The following TENM1 variants were observed in gnomAD, a reference collection of about 807,000 sequenced individuals.
TENM1 encodes the protein teneurin transmembrane protein 1, also known as teneurin-1.
Under a neutral mutation model 174.8 loss-of-function variants are expected in TENM1, and 35 were observed. That is an observed-to-expected ratio of 0.20 (90% CI 0.15 to 0.27). The LOEUF is 0.27. Ranked by LOEUF, TENM1 falls within the 10% of genes least tolerant of loss-of-function variation. The probability of loss-of-function intolerance (pLI) is 1.00; values close to 1 mark genes in which losing one functional copy is unlikely to be tolerated. For synonymous variants in TENM1, 781 were observed against 798.7 expected, an observed-to-expected ratio of 0.98 and a Z score of 0.37; for missense variants, 1,633 against 2,130.1, an observed-to-expected ratio of 0.77 and a Z score of 4.59.
intron 22 of TENM1, among the ~76,000 whole-genome samples, chrX:124,474,705 C>T (rs2147917821): frequency 8.9e-6 from 1 of 111,864 alleles, no homozygotes; most frequent in African/African-American, 3.2e-5. Context: ...CCGGAAGGTC[C>T]TCAAGTTCCA....
At chrX:124,609,366 T>C (rs776966657) in intron 11 of TENM1, among the ~76,000 whole-genome samples, 1 of 111,867 alleles carries the variant, frequency 8.9e-6, no homozygotes, top group South Asian at 3.7e-4. Context: ...AGGAGATGGA[T>C]TTGTAGATCC....
intron 5 of TENM1, among the ~76,000 whole-genome samples, chrX:124,696,974 T>A: frequency 9.0e-6 from 1 of 111,265 alleles, no homozygotes; most frequent in Non-Finnish European, 1.9e-5. Flanking sequence ...AACCACCTCC[T>A]CTGGTATTCT....
chrX:124,659,689 G>C (rs2148410532), intron 6 of TENM1, among the ~76,000 whole-genome samples: 1 of 110,521 alleles, frequency 9.0e-6, no homozygotes, highest in African/African-American at 3.3e-5. Flanking sequence ...TCTTTAAAAA[G>C]AACAAAATTG....
At chrX:124,946,227 G>C (rs942363383) in intron 1 of TENM1, among the ~76,000 whole-genome samples, 1 of 111,809 alleles carries the variant, frequency 8.9e-6, no homozygotes, top group African/African-American at 3.3e-5. Context: ...ATAAAAAGGT[G>C]GGGTGAAAAT....
intron 1 of TENM1, among the ~76,000 whole-genome samples, chrX:124,943,031 G>T (rs952194168): frequency 9.0e-6 from 1 of 111,307 alleles, no homozygotes; most frequent in Non-Finnish European, 1.9e-5. Flanking sequence ...TCTTTGGTTC[G>T]AAGATTCTCT....
At chrX:124,984,344 G>T in the TENM1 span, among the ~76,000 whole-genome samples, 1 of 112,224 alleles carries the variant, frequency 8.9e-6, no homozygotes, top group Non-Finnish European at 1.9e-5. Flanking sequence ...TATTCAAGAT[G>T]ATTAATGATT....
intron 3 of TENM1, among the ~76,000 whole-genome samples, chrX:124,785,895 T>A (rs2055023909): frequency 8.9e-6 from 1 of 112,031 alleles, no homozygotes; most frequent in South Asian, 3.7e-4. Flanking sequence ...TTACTCTAAT[T>A]TTGAATAATC....
chrX:124,571,957 ATTTTTTT>A (rs1171471978), intron 11 of TENM1, among the ~76,000 whole-genome samples: 1 of 102,945 alleles, frequency 9.7e-6, no homozygotes, highest in African/African-American at 3.5e-5. Flanking sequence ...GGAGAAAATG[ATTTTTTT>A]TTTTTTTAAA....
At chrX:124,987,481 C>A in the TENM1 span, among the ~76,000 whole-genome samples, 1 of 110,319 alleles carries the variant, frequency 9.1e-6, no homozygotes, top group African/African-American at 3.3e-5. Context: ...AAAGTGAAGG[C>A]AAAGAAAAAT....
intron 15 of TENM1, among the ~76,000 whole-genome samples, chrX:124,536,996 C>A (rs1053902643): frequency 9.0e-6 from 1 of 111,370 alleles, no homozygotes; most frequent in African/African-American, 3.3e-5. Context: ...ATCTCCTGGG[C>A]ATATATTACT....
At chrX:124,483,875 G>A (rs1240455243) in intron 21 of TENM1, among the ~76,000 whole-genome samples, 2 of 111,900 alleles carry the variant, frequency 1.8e-5, no homozygotes, top group Non-Finnish European at 3.8e-5. Flanking sequence ...AGAGGGACTT[G>A]TGTCTTAGCA....
At chrX:124,934,112 A>G (rs1482475935) in intron 1 of TENM1, among the ~76,000 whole-genome samples, 1 of 112,174 alleles carries the variant, frequency 8.9e-6, no homozygotes, top group Non-Finnish European at 1.9e-5. Context: ...AGACTGTTCT[A>G]TACTTGGTTA....
At chrX:125,120,348 AG>A in the TENM1 span, among the ~76,000 whole-genome samples, 1 of 111,265 alleles carries the variant, frequency 9.0e-6, no homozygotes, top group Non-Finnish European at 1.9e-5. Context: ...GTAAATGTTC[AG>A]GATGTGCAGG....
In TENM1 at chrX:124,412,356, AGAT is replaced by A. The variant is rs769493425; in HGVS notation, c.4983-5870_4983-5868del. On this transcript the variant is annotated intron_variant, in intron 25 of 31. Coordinates refer to ENST00000422452, the Ensembl canonical transcript of TENM1. ...TGAGAAGCATATAGTTTAGTTGGAG[AGAT>A]GATATTTACACATGATTAAAAATAT... Among the ~76,000 whole-genome samples, 566 of 112,914 alleles carry A rather than the reference AGAT, an allele frequency of 5.0e-3. 1 individual carries two copies. Among genetic ancestry groups the A allele is most frequent in the Non-Finnish European group, 8.1e-3 (433 of 53,399 alleles).
chrX:124,664,762 G>T lies in TENM1; in HGVS notation c.1168+6921C>A, dbSNP rs73543975. 7.5e-3 allele frequency among the ~76,000 whole-genome samples: 799 copies of T among 107,177 alleles called. 9 individuals carry two copies. The highest frequency in any genetic ancestry group is 0.025 in the African/African-American group (745 of 29,321). The allele number at this position is 107,177 out of a possible 115,157, so 93.1% of individuals were successfully genotyped here. ...GAGGAGGGAGAATGCTCGCTGAAAG[G>T]AGATCTTAGATGTGAAATATAAGAT... On this transcript the variant is annotated intron_variant, in intron 6 of 31. Transcript: ENST00000422452.
At chrX:124,664,455 T>C (rs2051689086) in intron 6 of TENM1, among the ~76,000 whole-genome samples, 1 of 106,201 alleles carries the variant, frequency 9.4e-6, no homozygotes, top group Non-Finnish European at 1.9e-5. Flanking sequence ...TAAATTAAAA[T>C]TTAACCTGTT....
chrX:124,793,070 TCAC>T (rs2055216085), intron 3 of TENM1, among the ~76,000 whole-genome samples: 1 of 112,053 alleles, frequency 8.9e-6, no homozygotes, highest in Non-Finnish European at 1.9e-5. Context: ...CTGGAGTTGT[TCAC>T]CACAATAGTA....
chrX:124,813,627 G>C (rs73215150), intron 3 of TENM1, among the ~76,000 whole-genome samples: 5 of 111,640 alleles, frequency 4.5e-5, no homozygotes, highest in Non-Finnish European at 9.4e-5. Flanking sequence ...GTGACAAAAT[G>C]CAAGATGTTG....
At chrX:124,787,300 G>A (rs1473403193) in intron 3 of TENM1, among the ~76,000 whole-genome samples, 1 of 111,384 alleles carries the variant, frequency 9.0e-6, no homozygotes, top group Non-Finnish European at 1.9e-5. Flanking sequence ...GACACATTTT[G>A]TGTATACTTT....
Sources: allele counts gnomAD v4.1 joint callset (sites outside exome capture counted in the v4.1 genomes callset), GRCh38; gene constraint gnomAD v4.1.1; transcripts MANE v1.5; gene names NCBI Gene and HGNC (gene_info 2026-07-23, HGNC 2026-07-21).